MARK3: variants seen among roughly 807,000 people sequenced by gnomAD.
MARK3 encodes the protein microtubule affinity regulating kinase 3.
In MARK3, 46 loss-of-function variants were observed where a neutral mutation model predicts 90.1. The ratio of observed to expected loss-of-function variants is 0.51; its 90% CI spans 0.40 to 0.65. The LOEUF (loss-of-function observed/expected upper bound fraction) is 0.65, where lower values mean the gene tolerates loss of function less well. Ranked by LOEUF, MARK3 falls within the 30% of genes least tolerant of loss-of-function variation. The pLI, the probability that MARK3 is intolerant of heterozygous loss-of-function variation, is 0.00. For missense variants in MARK3, 818 were observed against 947.2 expected (o/e 0.86, Z 1.79); for synonymous variants, 321 against 332.6 (o/e 0.97, Z 0.38).
In MARK3 at chr14:103,491,772, C is replaced by T; in HGVS notation, c.1587-5C>T. ...CTGAGAGCTTCTTACTTTCTGATCT[C>T]ATAGCACTATTCCTGATCAGAGAAC... On this transcript the variant is annotated splice_polypyrimidine_tract_variant and splice_region_variant and intron_variant, in intron 14 of 17. Transcript: ENST00000429436. 2.5e-6 allele frequency: 4 copies of T among 1,613,604 alleles called. No homozygotes were observed. The highest frequency in any genetic ancestry group is 3.4e-6 in the Non-Finnish European group (4 of 1,179,724).
chr14:103,474,922 ATATGGT>A, intron 12 of MARK3, 65 bp from the exon 13 acceptor site: 1 of 1,233,500 alleles, frequency 8.1e-7, no homozygotes, highest in Non-Finnish European at 1.2e-6. Context: ...ATCTTACAAA[ATATGGT>A]TACTGTCACA....
intron 3 of MARK3, among the ~76,000 whole-genome samples, chr14:103,437,310 T>C (rs572878246): frequency 6.6e-6 from 1 of 151,714 alleles, no homozygotes; most frequent in Non-Finnish European, 1.5e-5. Flanking sequence ...AGGAAAATGG[T>C]GTGAACCTGG....
intron 17 of MARK3, 108 bp downstream of exon 17, chr14:103,500,308 T>G: frequency 2.4e-6 from 2 of 833,136 alleles, no homozygotes; most frequent in South Asian, 1.8e-5. Flanking sequence ...GCTGTCTCTG[T>G]AGGAGTTACG....
chr14:103,408,189 G>A (rs1024796203), intron 2 of MARK3, among the ~76,000 whole-genome samples: 1 of 151,628 alleles, frequency 6.6e-6, no homozygotes, highest in South Asian at 2.1e-4. Context: ...GTTTTTTGGC[G>A]GGGGGGAGGT....
At chr14:103,387,078 T>G (rs562878154) in intron 1 of MARK3, among the ~76,000 whole-genome samples, 15 of 152,348 alleles carry the variant, frequency 9.8e-5, no homozygotes, top group Admixed American at 9.8e-4. Context: ...CACTGGCCTT[T>G]CATTAAAAGT....
At chr14:103,458,327 C>T (rs1026695504) in intron 6 of MARK3, among the ~76,000 whole-genome samples, 3 of 151,940 alleles carry the variant, frequency 2.0e-5, no homozygotes, top group African/African-American at 7.3e-5. Flanking sequence ...GGCATGATGG[C>T]AGGTGCCTGT....
At chr14:103,452,161 T>C (rs1412909620) in intron 5 of MARK3, among the ~76,000 whole-genome samples, 178 bp downstream of exon 5, 1 of 152,090 alleles carries the variant, frequency 6.6e-6, no homozygotes, top group African/African-American at 2.4e-5. Context: ...CCATGAAGTG[T>C]TTCACTATTA....
In MARK3 at chr14:103,466,033, G is replaced by A; in HGVS notation, c.839G>A (p.Cys280Tyr). The change falls in exon 9 of 18, where the codon TGT becomes TAT. Residue 280 changes from cysteine (C) to tyrosine (Y), a missense_variant. Physicochemically the swap from Cys to Tyr is radical, Grantham distance 194. Coordinates refer to ENST00000429436, the MANE Select transcript of MARK3 (RefSeq NM_001128918.3). ...YRIPFYMSTD[C>Y]ENLLKRFLVL... ...ATTCCCTTCTACATGTCTACAGACT[G>A]TGAAAACCTTCTCAAACGTTTCCTG... is the stretch of plus-strand genomic sequence containing the variant. 6.2e-7 allele frequency: 1 copy of A among 1,613,902 alleles called. No individual in the cohort carries two copies. Among genetic ancestry groups the A allele is most frequent in the Non-Finnish European group, 8.5e-7 (1 of 1,179,888 alleles).
rs937918496 is a variant in MARK3 at position 103,491,199 on chromosome 14, A to G, written c.1587-578A>G. The G allele has an allele frequency of 5.0e-6, 5 of 1,004,816 alleles. No individual in the cohort carries two copies. The African/African-American group carries it at 8.4e-5, about 17-fold the overall frequency. 62.2% of individuals were successfully genotyped at this position (1,004,816 alleles called of 1,614,324 possible). ...ATTTTATAGTCTGAGATTTTGTTAC[A>G]GTTGTCCACAAGGCGTCCTTCCTCC... On this transcript the variant is annotated intron_variant, in intron 14 of 17. Coordinates refer to ENST00000429436, the MANE Select transcript of MARK3 (RefSeq NM_001128918.3).
chr14:103,450,601 C>A (rs1033871508), intron 4 of MARK3, among the ~76,000 whole-genome samples: 41 of 152,138 alleles, frequency 2.7e-4, no homozygotes, highest in Non-Finnish European at 5.3e-4. Flanking sequence ...CCTTAACTTT[C>A]TGAAGTGGCT....
At chr14:103,466,221 A>G in intron 9 of MARK3, 122 bp from the exon 10 acceptor site, 1 of 1,359,822 alleles carries the variant, frequency 7.4e-7, no homozygotes, top group Non-Finnish European at 1.0e-6. Context: ...ACATTAAAAA[A>G]TATTTTTTGA....
chr14:103,413,920 T>C (rs1315466946), intron 2 of MARK3, among the ~76,000 whole-genome samples: 2 of 152,210 alleles, frequency 1.3e-5, no homozygotes, highest in Admixed American at 1.3e-4. Context: ...TTCTGTTGTA[T>C]GGCTGTGCTA....
At chr14:103,407,554 CTTTTTT>C (rs71460673) in intron 2 of MARK3, among the ~76,000 whole-genome samples, 1 of 71,660 alleles carries the variant, frequency 1.4e-5, no homozygotes, top group South Asian at 6.4e-4. Context: ...TGTTTTGCCT[CTTTTTT>C]TTTTTTTTTT....
intron 4 of MARK3, among the ~76,000 whole-genome samples, chr14:103,450,921 CTTTTTTTTTTTTTTTTT>C (rs869030067): frequency 1.9e-5 from 1 of 52,612 alleles, no homozygotes; most frequent in African/African-American, 6.9e-5. Context: ...TGTGTGTATT[CTTTTTTTTTTTTTTTTT>C]TTTTTTTTTT....
At position 103,475,578 on chromosome 14, in the gene MARK3, G is replaced by C. The variant is rs556623696; in HGVS notation, c.1482+368G>C. 2.6e-5 allele frequency among the ~76,000 whole-genome samples: 4 copies of C among 152,324 alleles called. No homozygotes were observed. In the East Asian group the frequency reaches 5.8e-4, roughly 22 times the overall value. On this transcript the variant is annotated intron_variant, in intron 13 of 17. Transcript: ENST00000429436. Reference sequence around the variant, plus strand: ...GATGCCTTGGTGCTGGCATCCTCCAGAGGAGACAAATGCTGTGTTGTCATG... The same window carrying C: ...GATGCCTTGGTGCTGGCATCCTCCACAGGAGACAAATGCTGTGTTGTCATG...
At chr14:103,388,218 A>C (rs2089964318) in intron 1 of MARK3, among the ~76,000 whole-genome samples, 1 of 152,262 alleles carries the variant, frequency 6.6e-6, no homozygotes. Context: ...GGCGTGAGCC[A>C]CCACGCCCAG....
At chr14:103,428,177 A>G (rs1412180265) in intron 2 of MARK3, among the ~76,000 whole-genome samples, 1 of 152,190 alleles carries the variant, frequency 6.6e-6, no homozygotes, top group Non-Finnish European at 1.5e-5. Flanking sequence ...GGTAGGGAGA[A>G]GTTTAGTTAG....
chr14:103,399,374 AAC>A (rs1240534408), intron 1 of MARK3, among the ~76,000 whole-genome samples: 2 of 152,156 alleles, frequency 1.3e-5, no homozygotes, highest in Non-Finnish European at 2.9e-5. Flanking sequence ...ACAAAGACCT[AAC>A]ACAGTGCCCT....
chr14:103,486,488 C>CA (rs1221470796), intron 14 of MARK3, among the ~76,000 whole-genome samples: 1 of 152,012 alleles, frequency 6.6e-6, no homozygotes, highest in East Asian at 1.9e-4. Context: ...TATGAACCCA[C>CA]AAAAACTTTA....
Sources: allele counts gnomAD v4.1 joint callset (sites outside exome capture counted in the v4.1 genomes callset), GRCh38; gene constraint gnomAD v4.1.1; transcripts MANE v1.5; gene names NCBI Gene and HGNC (gene_info 2026-07-23, HGNC 2026-07-21).